Variants in CDH13 observed in about 807,000 individuals in gnomAD.
CDH13 encodes cadherin 13, also known as cadherin-13.
Under a neutral mutation model 63.8 loss-of-function variants are expected in CDH13, and 24 were observed. The ratio of observed to expected loss-of-function variants is 0.38; its 90% confidence interval spans 0.27 to 0.53. The LOEUF is 0.53. CDH13 is among the 20% of genes least tolerant of loss of function. The pLI is 0.85. For missense variants in CDH13, 1,049 were observed against 903.1 expected, an observed-to-expected ratio of 1.16 and a Z score of -2.07; for synonymous variants, 503 against 355.3, an observed-to-expected ratio of 1.42 and a Z score of -4.67.
intron 6 of CDH13, among the ~76,000 whole-genome samples, chr16:83,369,862 C>G (rs1019580281): frequency 6.6e-6 from 1 of 152,188 alleles, no homozygotes; most frequent in African/African-American, 2.4e-5. Flanking sequence ...ATTCATGACA[C>G]ATATGTAGCA....
At chr16:82,721,542 G>A (rs1329234813) in intron 1 of CDH13, among the ~76,000 whole-genome samples, 2 of 152,152 alleles carry the variant, frequency 1.3e-5, no homozygotes, top group African/African-American at 4.8e-5. Context: ...TAGGCAGGAA[G>A]AAAGGTACTC....
At chr16:83,179,109 G>A (rs2038244568) in intron 4 of CDH13, among the ~76,000 whole-genome samples, 1 of 152,122 alleles carries the variant, frequency 6.6e-6, no homozygotes, top group African/African-American at 2.4e-5. Flanking sequence ...CAAATGTGGT[G>A]GTGGCCTAGT....
intron 5 of CDH13, among the ~76,000 whole-genome samples, chr16:83,333,361 A>G (rs1451461175): frequency 6.6e-6 from 1 of 152,164 alleles, no homozygotes; most frequent in Non-Finnish European, 1.5e-5. Context: ...GTTTCTACAT[A>G]AAGATCTACT....
chr16:83,193,362 G>A (rs1171741390), intron 4 of CDH13, among the ~76,000 whole-genome samples: 1 of 152,184 alleles, frequency 6.6e-6, no homozygotes, highest in Non-Finnish European at 1.5e-5. Flanking sequence ...ATTAAAAAGT[G>A]GCTGAGCAAG....
At chr16:83,507,429 A>G (rs890274512) in intron 7 of CDH13, among the ~76,000 whole-genome samples, 3 of 152,204 alleles carry the variant, frequency 2.0e-5, no homozygotes, top group African/African-American at 7.2e-5. Flanking sequence ...TTCAAAGCAT[A>G]TTTGGCTAGA....
At chr16:83,455,736 T>C (rs1198533493) in intron 6 of CDH13, among the ~76,000 whole-genome samples, 2 of 152,232 alleles carry the variant, frequency 1.3e-5, no homozygotes. Context: ...GGACAACTGT[T>C]CCTGCTTTCC....
intron 5 of CDH13, among the ~76,000 whole-genome samples, chr16:83,285,727 G>A (rs2216767): frequency 0.41 from 62,858 of 151,816 alleles, 13,877 homozygotes; most frequent in East Asian, 0.66. Context: ...GTTTGTGGGG[G>A]AGGGATGTTG....
At chr16:82,910,071 C>T (rs1225360405) in intron 2 of CDH13, among the ~76,000 whole-genome samples, 1 of 152,282 alleles carries the variant, frequency 6.6e-6, no homozygotes, top group Non-Finnish European at 1.5e-5. Flanking sequence ...TATACAATTG[C>T]CGGTGTTCAA....
intron 7 of CDH13, among the ~76,000 whole-genome samples, chr16:83,590,991 A>G (rs4053433): frequency 0.38 from 56,506 of 148,600 alleles, 11,344 homozygotes; most frequent in Middle Eastern, 0.47. Flanking sequence ...GCACACCGCA[A>G]TCTCCACCTT....
At chr16:83,183,133 C>T (rs1450370267) in intron 4 of CDH13, among the ~76,000 whole-genome samples, 2 of 152,080 alleles carry the variant, frequency 1.3e-5, no homozygotes, top group African/African-American at 4.8e-5. Flanking sequence ...TTTAAGGGAA[C>T]TATTCGTCTT....
chr16:82,774,043 A>G (rs907009369), intron 1 of CDH13, among the ~76,000 whole-genome samples: 1 of 152,094 alleles, frequency 6.6e-6, no homozygotes, highest in Non-Finnish European at 1.5e-5. Context: ...TTGGCCTCCC[A>G]AAGTGCTGGG....
At position 83,395,758 on chromosome 16, in the gene CDH13, C is replaced by A. The variant is rs142973406; in HGVS notation, c.781+50752C>A. Among the ~76,000 whole-genome samples, 169 of 152,274 alleles carry A rather than the reference C, an allele frequency of 1.1e-3. 1 individual carries two copies. Among genetic ancestry groups the A allele is most frequent in the African/African-American group, 3.9e-3 (163 of 41,564 alleles). ...CTGAAACCTGAATTCTAATTAATTT[C>A]TTTGTGACCATGGGAAGTTATTTCA... On this transcript the variant is annotated intron_variant, in intron 6 of 13. Transcript: ENST00000567109.
chr16:83,507,575 G>C (rs1598180442), intron 7 of CDH13, among the ~76,000 whole-genome samples: 3 of 152,168 alleles, frequency 2.0e-5, no homozygotes, highest in African/African-American at 7.2e-5. Flanking sequence ...GTTTCCAAAG[G>C]TGACTGGAAT....
At chr16:83,416,569 C>A (rs563717984) in intron 6 of CDH13, among the ~76,000 whole-genome samples, 2 of 152,166 alleles carry the variant, frequency 1.3e-5, no homozygotes, top group Non-Finnish European at 1.5e-5. Flanking sequence ...GCCCACAGGT[C>A]GAGCTATGAC....
At chr16:82,842,937 C>G (rs1414339917) in intron 1 of CDH13, among the ~76,000 whole-genome samples, 8 of 152,154 alleles carry the variant, frequency 5.3e-5, no homozygotes, top group African/African-American at 1.9e-4. Context: ...GCTGGTCTAA[C>G]AGAGGTGGAG....
intron 1 of CDH13, among the ~76,000 whole-genome samples, chr16:82,675,162 A>C (rs1347682157): frequency 2.0e-5 from 3 of 152,218 alleles, no homozygotes; most frequent in Non-Finnish European, 2.9e-5. Flanking sequence ...ATTGAAAAAA[A>C]TGTGTAAAAG....
At chr16:82,702,963 C>T (rs1378567379) in intron 1 of CDH13, among the ~76,000 whole-genome samples, 1 of 152,054 alleles carries the variant, frequency 6.6e-6, no homozygotes, top group African/African-American at 2.4e-5. Context: ...CTTTTTTTAG[C>T]TTGGTGAGGG....
At chr16:83,120,882 T>C (rs1276760386) in intron 3 of CDH13, among the ~76,000 whole-genome samples, 1 of 150,626 alleles carries the variant, frequency 6.6e-6, no homozygotes, top group African/African-American at 2.4e-5. Flanking sequence ...TCCTGCCTCA[T>C]CCTCCCGAGT....
chr16:83,415,898 C>T (rs757345129), intron 6 of CDH13, among the ~76,000 whole-genome samples: 8 of 152,192 alleles, frequency 5.3e-5, no homozygotes, highest in Admixed American at 1.3e-4. Context: ...TGGAAGTCCT[C>T]ACAGGAGCAA....
Sources: allele counts gnomAD v4.1 joint callset (sites outside exome capture counted in the v4.1 genomes callset), GRCh38; gene constraint gnomAD v4.1.1; transcripts MANE v1.5; gene names NCBI Gene and HGNC (gene_info 2026-07-23, HGNC 2026-07-21).